KCNAB1: variants seen among roughly 807,000 people sequenced by gnomAD.
KCNAB1 encodes the protein voltage-gated potassium channel subunit beta-1.
Under a neutral mutation model 64.6 loss-of-function variants are expected in KCNAB1, and 35 were observed. The ratio of observed to expected loss-of-function variants is 0.54; its 90% confidence interval spans 0.41 to 0.72. The LOEUF (loss-of-function observed/expected upper bound fraction) is 0.72. KCNAB1 is among the 30% of genes least tolerant of loss of function. The probability of loss-of-function intolerance (pLI) is 0.00; values close to 1 mark genes in which losing one functional copy is unlikely to be tolerated. For missense variants in KCNAB1, 401 were observed against 512.9 expected (o/e 0.78, Z 2.11); for synonymous variants, 177 against 183.8 (o/e 0.96, Z 0.30).
intron 1 of KCNAB1, among the ~76,000 whole-genome samples, chr3:156,386,666 C>T (rs1177702834): frequency 1.3e-5 from 2 of 152,138 alleles, no homozygotes; most frequent in Non-Finnish European, 2.9e-5. Flanking sequence ...CTACCTGTAA[C>T]ATGATTATCA....
intron 1 of KCNAB1, among the ~76,000 whole-genome samples, chr3:156,327,300 A>G (rs1478774330): frequency 6.6e-6 from 1 of 152,134 alleles, no homozygotes; most frequent in Non-Finnish European, 1.5e-5. Context: ...TACAATCCAA[A>G]TGCCTTGTCT....
intron 1 of KCNAB1, among the ~76,000 whole-genome samples, chr3:156,208,837 A>G (rs1454196281): frequency 3.9e-5 from 6 of 152,212 alleles, no homozygotes; most frequent in African/African-American, 2.4e-5. Context: ...TCTATAGTGA[A>G]ACCTCACTCA....
At chr3:156,404,453 C>T (rs1714109166) in intron 1 of KCNAB1, among the ~76,000 whole-genome samples, 1 of 152,206 alleles carries the variant, frequency 6.6e-6, no homozygotes, top group Non-Finnish European at 1.5e-5. Context: ...TCTGTGCCCA[C>T]TTGTTTCAGC....
chr3:156,501,553 T>C (rs1716410836), intron 8 of KCNAB1, among the ~76,000 whole-genome samples: 1 of 149,350 alleles, frequency 6.7e-6, no homozygotes, highest in African/African-American at 2.5e-5. Context: ...TGCCTGAGCC[T>C]CCTGAGGATC....
At chr3:156,252,377 T>A (rs1717881847) in intron 1 of KCNAB1, among the ~76,000 whole-genome samples, 1 of 152,256 alleles carries the variant, frequency 6.6e-6, no homozygotes, top group Non-Finnish European at 1.5e-5. Flanking sequence ...ACTGTGTACA[T>A]TTGATAAACC....
At chr3:156,123,126 A>C (rs1560096951) in intron 1 of KCNAB1, among the ~76,000 whole-genome samples, 1 of 152,238 alleles carries the variant, frequency 6.6e-6, no homozygotes, top group Non-Finnish European at 1.5e-5. Context: ...CCCATGAGTG[A>C]TATCTCCATT....
intron 1 of KCNAB1, among the ~76,000 whole-genome samples, chr3:156,403,401 C>T (rs1363694884): frequency 6.6e-6 from 1 of 152,184 alleles, no homozygotes; most frequent in Non-Finnish European, 1.5e-5. Flanking sequence ...TTTCTTTACC[C>T]TCTGGAGAGT....
chr3:156,299,104 G>A (rs1423283798), intron 1 of KCNAB1, among the ~76,000 whole-genome samples: 1 of 152,202 alleles, frequency 6.6e-6, no homozygotes, highest in East Asian at 1.9e-4. Context: ...TTGGGCAGAG[G>A]GCCAAGGCCA....
At chr3:156,144,050 G>A (rs551952539) in intron 1 of KCNAB1, among the ~76,000 whole-genome samples, 314 of 151,706 alleles carry the variant, frequency 2.1e-3, no homozygotes, top group African/African-American at 7.0e-3. Flanking sequence ...CTTGGTATAG[G>A]GTTGGATGTG....
At chr3:156,459,752 GGTTCTT>G in intron 4 of KCNAB1, 69 bp from the exon 5 acceptor site, 1 of 1,086,750 alleles carries the variant, frequency 9.2e-7, no homozygotes, top group Non-Finnish European at 1.4e-6. Flanking sequence ...AACAAGGAAT[GGTTCTT>G]GTGTTCTGGA....
At chr3:156,152,190 G>T (rs754616648) in intron 1 of KCNAB1, among the ~76,000 whole-genome samples, 8 of 152,180 alleles carry the variant, frequency 5.3e-5, no homozygotes, top group African/African-American at 7.2e-5. Flanking sequence ...ACATAAATCC[G>T]GTCCCCTGTG....
intron 1 of KCNAB1, among the ~76,000 whole-genome samples, chr3:156,163,075 C>T (rs185912532): frequency 3.8e-4 from 58 of 152,250 alleles, no homozygotes; most frequent in African/African-American, 1.3e-3. Context: ...GTAAGATTCA[C>T]ACTATGCTAT....
intron 1 of KCNAB1, among the ~76,000 whole-genome samples, chr3:156,238,388 C>T (rs1716973364): frequency 7.0e-6 from 1 of 142,608 alleles, no homozygotes; most frequent in Non-Finnish European, 1.5e-5. Flanking sequence ...CGCCACTGCA[C>T]TCTGGCCTGG....
At chr3:156,265,769 C>T (rs1221700395) in intron 1 of KCNAB1, among the ~76,000 whole-genome samples, 5 of 152,022 alleles carry the variant, frequency 3.3e-5, no homozygotes, top group African/African-American at 4.8e-5. Flanking sequence ...CCGAGGTGGG[C>T]GGATCACGAG....
chr3:156,448,414 G>C (rs901303400), intron 2 of KCNAB1, among the ~76,000 whole-genome samples: 13 of 152,234 alleles, frequency 8.5e-5, no homozygotes, highest in Non-Finnish European at 1.8e-4. Context: ...GTGGAGCACA[G>C]TGGAAAATAA....
At chr3:156,312,585 G>T (rs1047559904) in intron 1 of KCNAB1, among the ~76,000 whole-genome samples, 1 of 151,334 alleles carries the variant, frequency 6.6e-6, no homozygotes, top group Non-Finnish European at 1.5e-5. Flanking sequence ...GGTGGTGCTT[G>T]CCTGTAATCC....
chr3:156,255,800 AC>A (rs1238748421), intron 1 of KCNAB1, among the ~76,000 whole-genome samples: 2 of 152,150 alleles, frequency 1.3e-5, no homozygotes, highest in African/African-American at 4.8e-5. Context: ...CTTGGCACCC[AC>A]ACAAACTCGC....
chr3:156,276,692 T>C (rs1192364834), intron 1 of KCNAB1, among the ~76,000 whole-genome samples: 2 of 152,202 alleles, frequency 1.3e-5, no homozygotes, highest in Non-Finnish European at 2.9e-5. Context: ...CAACCTCTGC[T>C]AGCTTTAAAC....
intron 1 of KCNAB1, among the ~76,000 whole-genome samples, chr3:156,129,488 T>A (rs1032883390): frequency 1.3e-5 from 2 of 152,218 alleles, no homozygotes; most frequent in Non-Finnish European, 2.9e-5. Flanking sequence ...ACCACAGATA[T>A]ATAAACTGGG....
Sources: gnomAD v4.1 joint callset for allele counts (sites outside exome capture counted in the v4.1 genomes callset) on GRCh38, gnomAD v4.1.1 for gene constraint, MANE v1.5 for transcripts, NCBI Gene and HGNC (gene_info 2026-07-23, HGNC 2026-07-21) for gene names.